The following COL28A1 variants were observed in gnomAD, a reference collection of about 807,000 sequenced individuals.
COL28A1 encodes the protein collagen alpha-1(XXVIII) chain.
A neutral mutation model predicts 150.2 loss-of-function variants in COL28A1; 161 were observed. The observed-to-expected ratio is 1.07, with a 90% confidence interval of 0.94 to 1.22. The LOEUF is 1.22. Among genes scored for constraint, COL28A1 ranks in the 50% most tolerant of loss-of-function variants. The pLI, the probability that COL28A1 is intolerant of heterozygous loss-of-function variation, is 0.00. For synonymous variants in COL28A1, 552 were observed against 469.7 expected, an observed-to-expected ratio of 1.18 and a Z score of -2.26; for missense variants, 1,617 against 1,388.3, an observed-to-expected ratio of 1.16 and a Z score of -2.62.
chr7:7,468,469 G>A (rs1788204444), intron 15 of COL28A1, among the ~76,000 whole-genome samples: 1 of 113,784 alleles, frequency 8.8e-6, no homozygotes, highest in Admixed American at 9.6e-5. Context: ...ATAATCAATA[G>A]TTTAGCAACC....
At chr7:7,509,311 C>A (rs961903621) in intron 9 of COL28A1, among the ~76,000 whole-genome samples, 2 of 151,894 alleles carry the variant, frequency 1.3e-5, no homozygotes, top group East Asian at 3.9e-4. Context: ...TTTGTAGAGA[C>A]GGGGCCTCAC....
chr7:7,465,515 A>G (rs377326340), intron 15 of COL28A1, among the ~76,000 whole-genome samples: 126 of 137,880 alleles, frequency 9.1e-4, no homozygotes, highest in African/African-American at 2.9e-3. Context: ...CAAGGCGGCA[A>G]CGAGGCTGGG....
intron 4 of COL28A1, among the ~76,000 whole-genome samples, 177 bp downstream of exon 4, chr7:7,524,052 A>G (rs185963109): frequency 3.0e-4 from 46 of 152,360 alleles, no homozygotes; most frequent in African/African-American, 1.1e-3. Flanking sequence ...TCCAACTTGC[A>G]TTGAATATGG....
intron 13 of COL28A1, among the ~76,000 whole-genome samples, chr7:7,480,657 T>C (rs2128359397): frequency 6.6e-6 from 1 of 152,338 alleles, no homozygotes; most frequent in South Asian, 2.1e-4. Flanking sequence ...GAAGTATTTT[T>C]CCAGTTCACT....
chr7:7,381,013 G>T (rs1781842844), intron 28 of COL28A1, 151 bp from the exon 29 acceptor site: 2 of 649,804 alleles, frequency 3.1e-6, no homozygotes, highest in South Asian at 3.8e-5. Flanking sequence ...AAAATTGGGG[G>T]TAACTTATTT....
intron 15 of COL28A1, among the ~76,000 whole-genome samples, chr7:7,461,781 C>T (rs1787648003): frequency 6.6e-6 from 1 of 152,146 alleles, no homozygotes; most frequent in Non-Finnish European, 1.5e-5. Context: ...AGCCTTGCTC[C>T]CGCCTAATGG....
intron 13 of COL28A1, among the ~76,000 whole-genome samples, chr7:7,488,470 T>C (rs1203477086): frequency 6.6e-6 from 1 of 152,224 alleles, no homozygotes; most frequent in East Asian, 1.9e-4. Context: ...TTGTTTTTAT[T>C]TGTACCTAAG....
At chr7:7,492,446 C>T (rs1011722480) in intron 11 of COL28A1, among the ~76,000 whole-genome samples, 1 of 151,082 alleles carries the variant, frequency 6.6e-6, no homozygotes, top group Admixed American at 6.6e-5. Flanking sequence ...TTAGCTGGGC[C>T]TGGTGGCATG....
rs559178830 is a variant in COL28A1, at chr7:7,386,624, G to C, written c.2137-5012C>G. The stretch of plus-strand genomic sequence containing the variant: ...GATGCTAAAGGCTGAGTGTGGGATA[G>C]CAGGAGGGGATAGGACCCCTGGGAG... On this transcript the variant is annotated intron_variant, in intron 27 of 34. Coordinates refer to ENST00000399429, the MANE Select transcript of COL28A1 (RefSeq NM_001037763.3). Among the ~76,000 whole-genome samples, 97 of 152,296 alleles carry C rather than the reference G, an allele frequency of 6.4e-4. 1 individual carries two copies. Among genetic ancestry groups the C allele is most frequent in the African/African-American group, 2.2e-3 (93 of 41,564 alleles).
At chr7:7,375,401 G>C (rs1253199198) in intron 31 of COL28A1, 60 bp downstream of exon 31, 1 of 1,466,128 alleles carries the variant, frequency 6.8e-7, no homozygotes, top group African/African-American at 1.4e-5. Context: ...TCTGTCACCA[G>C]CACAGTACAT....
At chr7:7,445,256 C>T (rs1562673840) in intron 18 of COL28A1, among the ~76,000 whole-genome samples, 2 of 152,090 alleles carry the variant, frequency 1.3e-5, no homozygotes, top group Non-Finnish European at 2.9e-5. Flanking sequence ...AGGAAAATGC[C>T]TCTTGAAGAC....
intron 8 of COL28A1, chr7:7,511,895 A>G (rs1562875708): frequency 1.2e-5 from 5 of 430,648 alleles, no homozygotes; most frequent in South Asian, 5.2e-5. Flanking sequence ...GTGATAGTTT[A>G]TCATAAATAT....
chr7:7,374,035 AAAAATATATATATAT>A (rs1322782354), intron 31 of COL28A1, among the ~76,000 whole-genome samples: 119 of 83,414 alleles, frequency 1.4e-3, no homozygotes, highest in Non-Finnish European at 1.9e-3. Flanking sequence ...AAAAAAAAAA[AAAAATATATATATAT>A]ATATATATAT....
chr7:7,441,010 C>G, intron 20 of COL28A1, 149 bp from the exon 21 acceptor site: 1 of 469,976 alleles, frequency 2.1e-6, no homozygotes, highest in Non-Finnish European at 3.8e-6. Context: ...CAGGATTCGT[C>G]AATGTTCTTG....
At chr7:7,510,482 A>G (rs1236925157) in intron 9 of COL28A1, among the ~76,000 whole-genome samples, 1 of 152,126 alleles carries the variant, frequency 6.6e-6, no homozygotes, top group Non-Finnish European at 1.5e-5. Context: ...ATGGTGTTTC[A>G]CCGTATTGGT....
chr7:7,420,227 G>A (rs1562597466), intron 25 of COL28A1: 1 of 238,348 alleles, frequency 4.2e-6, no homozygotes, highest in East Asian at 8.5e-5. Flanking sequence ...TACGAGTATT[G>A]TGAATAGAGG....
chr7:7,452,080 A>C (rs553939072), intron 18 of COL28A1, among the ~76,000 whole-genome samples: 1 of 152,352 alleles, frequency 6.6e-6, no homozygotes, highest in South Asian at 2.1e-4. Flanking sequence ...CAAGATAAAC[A>C]AAGTGCCACC....
intron 25 of COL28A1, 42 bp from the exon 26 acceptor site, chr7:7,419,995 G>T: frequency 2.2e-6 from 3 of 1,382,214 alleles, no homozygotes; most frequent in South Asian, 1.4e-5. Flanking sequence ...ATTTTTTAAA[G>T]ACTTTATGTT....
chr7:7,418,442 A>G (rs969803301), intron 26 of COL28A1, among the ~76,000 whole-genome samples: 17 of 152,248 alleles, frequency 1.1e-4, no homozygotes, highest in Admixed American at 2.6e-4. Flanking sequence ...GTATCTGTTC[A>G]TAAACTGAGC....
Sources: allele counts gnomAD v4.1 joint callset (sites outside exome capture counted in the v4.1 genomes callset), GRCh38; gene constraint gnomAD v4.1.1; transcripts MANE v1.5; gene names NCBI Gene and HGNC (gene_info 2026-07-23, HGNC 2026-07-21).